The following PCAT7 variants were observed in gnomAD, a reference collection of about 807,000 sequenced individuals.
The protein encoded by PCAT7 is prostate cancer associated transcript 7 (non-protein coding).
chr9:94,554,618 C>T (rs1000058025), upstream of PCAT7, among the ~76,000 whole-genome samples: 1 of 152,150 alleles, frequency 6.6e-6, no homozygotes, highest in East Asian at 1.9e-4. Context: ...CACCACCAAC[C>T]GCAGCGAGGC....
intron 2 of PCAT7, chr9:94,567,201 G>T: frequency 6.4e-7 from 1 of 1,556,566 alleles, no homozygotes; most frequent in Non-Finnish European, 8.8e-7. Context: ...AGCCCCTGAA[G>T]CCACCACCCA....
chr9:94,560,043 T>C (rs1827074026), intron 2 of PCAT7, among the ~76,000 whole-genome samples: 1 of 152,206 alleles, frequency 6.6e-6, no homozygotes, highest in South Asian at 2.1e-4. Flanking sequence ...GAGGATCAAC[T>C]GAGCCCCGGA....
chr9:94,559,908 G>A (rs79021809), intron 2 of PCAT7, among the ~76,000 whole-genome samples: 14,010 of 152,076 alleles, frequency 0.092, 1,277 homozygotes, highest in African/African-American at 0.23. Context: ...CAAAAGGATC[G>A]CTTGAGTCCA....
In PCAT7 at chr9:94,571,488, C is replaced by T. The variant is rs200244771; in HGVS notation, n.442-1491C>T. 140 of 1,613,492 alleles carry T rather than the reference C, an allele frequency of 8.7e-5. No homozygotes were observed. The highest frequency in any genetic ancestry group is 1.1e-4 in the Non-Finnish European group (126 of 1,179,818). On this transcript the variant is annotated intron_variant and non_coding_transcript_variant, in intron 2 of 8. Coordinates refer to ENST00000647389, the Ensembl canonical transcript of PCAT7. ...GGGTCAAGCATGAAGAGGTCCACGC[C>T]TTGCCCTGTGGAGAGAGCCACCAGG... is the stretch of plus-strand genomic sequence containing the variant.
At chr9:94,555,076 T>A (rs1311030690) in exon 1 of PCAT7, 1 of 152,262 alleles carries the variant, frequency 6.6e-6, no homozygotes, top group East Asian at 1.9e-4. Flanking sequence ...GGCATGCGCA[T>A]AACCTCAGGA....
At chr9:94,563,444 A>T in intron 2 of PCAT7, 1 of 1,613,716 alleles carries the variant, frequency 6.2e-7, no homozygotes, top group Non-Finnish European at 8.5e-7. Context: ...ACCTGGCCCC[A>T]TAGGGAGCAC....
chr9:94,559,065 G>A (rs1827053597), exon 2 of PCAT7: 5 of 1,613,974 alleles, frequency 3.1e-6, no homozygotes, highest in Admixed American at 3.3e-5. Context: ...CTGGGTCCCC[G>A]TGGTCGCCAA....
intron 2 of PCAT7, chr9:94,567,776 CCAT>C (rs1827213457): frequency 5.1e-6 from 1 of 195,516 alleles, no homozygotes; most frequent in Admixed American, 5.4e-5. Flanking sequence ...GGAAGATAGG[CCAT>C]CAACAGTGAG....
At chr9:94,574,615 G>A (rs1200999218) in intron 3 of PCAT7, among the ~76,000 whole-genome samples, 1 of 151,936 alleles carries the variant, frequency 6.6e-6, no homozygotes, top group South Asian at 2.1e-4. Flanking sequence ...GCCTGTTTTT[G>A]CAGTGCAGTT....
At chr9:94,567,261 T>G (rs1417457129) in intron 2 of PCAT7, 1 of 1,614,054 alleles carries the variant, frequency 6.2e-7, no homozygotes, top group Non-Finnish European at 8.5e-7. Context: ...CCTGGCTTTC[T>G]TCACTCACCT....
chr9:94,574,351 G>A (rs1203964705), intron 3 of PCAT7, among the ~76,000 whole-genome samples: 1 of 152,082 alleles, frequency 6.6e-6, no homozygotes, highest in Admixed American at 6.5e-5. Flanking sequence ...TTTCAACTTT[G>A]TCAATTTGAC....
chr9:94,561,455 C>A (rs1263747807), intron 2 of PCAT7, among the ~76,000 whole-genome samples: 3 of 149,598 alleles, frequency 2.0e-5, no homozygotes, highest in African/African-American at 7.4e-5. Flanking sequence ...CTCCGCCTCC[C>A]AGGTTCACGC....
At chr9:94,563,192 T>C in intron 2 of PCAT7, 4 of 838,708 alleles carry the variant, frequency 4.8e-6, no homozygotes, top group Non-Finnish European at 5.3e-6. Flanking sequence ...GGAGACTCAC[T>C]CAAGGGAAAC....
intron 1 of PCAT7, among the ~76,000 whole-genome samples, chr9:94,557,659 C>T (rs887194266): frequency 1.3e-5 from 2 of 152,244 alleles, no homozygotes; most frequent in African/African-American, 4.8e-5. Context: ...CCACCCGACA[C>T]TGCCTTCCCC....
intron 2 of PCAT7, among the ~76,000 whole-genome samples, chr9:94,562,309 C>CAAAAA (rs397893359): frequency 1.4e-4 from 10 of 72,116 alleles, no homozygotes; most frequent in Non-Finnish European, 2.3e-4. Context: ...GACTCCATCT[C>CAAAAA]AAAAAAAAAA....
At chr9:94,571,593 C>T in intron 2 of PCAT7, 1 of 1,612,332 alleles carries the variant, frequency 6.2e-7, no homozygotes, top group Non-Finnish European at 8.5e-7. Context: ...GAAGGCTCAT[C>T]CTCTGAGGTC....
At chr9:94,565,736 T>TGATA (rs34525238) in intron 2 of PCAT7, among the ~76,000 whole-genome samples, 5 of 150,320 alleles carry the variant, frequency 3.3e-5, no homozygotes, top group South Asian at 2.1e-4. Context: ...GGTAGATAGA[T>TGATA]GATAGATAGA....
chr9:94,555,961 G>A (rs546174477), intron 1 of PCAT7, among the ~76,000 whole-genome samples: 43 of 150,718 alleles, frequency 2.9e-4, no homozygotes, highest in African/African-American at 1.1e-3. Flanking sequence ...TGGGAAGCAG[G>A]GGCAGACTTT....
chr9:94,561,273 C>T (rs762546566), intron 2 of PCAT7, among the ~76,000 whole-genome samples: 5 of 151,084 alleles, frequency 3.3e-5, no homozygotes, highest in Non-Finnish European at 7.4e-5. Context: ...TCAGATGCCC[C>T]TGTTGTAGGA....
Sources: gnomAD v4.1 joint callset for allele counts (sites outside exome capture counted in the v4.1 genomes callset) on GRCh38, gnomAD v4.1.1 for gene constraint, MANE v1.5 for transcripts, NCBI Gene and HGNC (gene_info 2026-07-23, HGNC 2026-07-21) for gene names.